PTPN2: variants seen among roughly 807,000 people sequenced by gnomAD.
PTPN2 encodes protein tyrosine phosphatase non-receptor type 2.
In PTPN2, 19 loss-of-function variants were observed where a neutral mutation model predicts 57.3. The ratio of observed to expected loss-of-function variants is 0.33; its 90% confidence interval spans 0.23 to 0.49. PTPN2 has a LOEUF of 0.49. Ranked by LOEUF, PTPN2 falls within the 20% of genes least tolerant of loss-of-function variation. The pLI is 0.99. For synonymous variants in PTPN2, 153 were observed against 164.9 expected (o/e 0.93, Z 0.55); for missense variants, 358 against 501.1 (o/e 0.71, Z 2.73).
chr18:12,874,410 G>A (rs910899379), intron 1 of PTPN2, among the ~76,000 whole-genome samples: 14 of 149,290 alleles, frequency 9.4e-5, no homozygotes, highest in African/African-American at 3.2e-4. Context: ...AGGGAGGTGG[G>A]GGGATCAGCC....
At chr18:12,823,117 A>G (rs1264434734) in intron 5 of PTPN2, among the ~76,000 whole-genome samples, 1 of 152,190 alleles carries the variant, frequency 6.6e-6, no homozygotes, top group South Asian at 2.1e-4. Context: ...TTATCCTTCT[A>G]AAGAATAAAG....
At chr18:12,856,511 G>A (rs762883925) in intron 2 of PTPN2, among the ~76,000 whole-genome samples, 1 of 152,142 alleles carries the variant, frequency 6.6e-6, no homozygotes, top group Non-Finnish European at 1.5e-5. Context: ...GTCCGCAGGA[G>A]GGAAGCTTGG....
chr18:12,836,920 T>G, intron 2 of PTPN2, 29 bp from the exon 3 acceptor site: 1 of 1,349,790 alleles, frequency 7.4e-7, no homozygotes, highest in Non-Finnish European at 1.1e-6. Flanking sequence ...AAACCACAAC[T>G]GTCATTTCAA....
At chr18:12,859,970 T>C (rs1237602903) in intron 1 of PTPN2, among the ~76,000 whole-genome samples, 1 of 150,538 alleles carries the variant, frequency 6.6e-6, no homozygotes, top group African/African-American at 2.4e-5. Context: ...CTGGCCAACA[T>C]TGTGAAAACC....
Position 12,794,605 on chromosome 18 carries a change from T to C in PTPN2, c.1041-120A>G. On this transcript the variant is annotated intron_variant, in intron 8 of 8. Transcript: ENST00000309660. Reference sequence around the variant, plus strand: ...CATAGTTTTCACCCTATTTGAACACTGGAATAATGAGGGGAAAAGCCTCAA... The same window carrying C: ...CATAGTTTTCACCCTATTTGAACACCGGAATAATGAGGGGAAAAGCCTCAA... 3 of 1,224,206 alleles carry C rather than the reference T, an allele frequency of 2.5e-6. 1 individual carries two copies. Among genetic ancestry groups the C allele is most frequent in the Non-Finnish European group, 3.3e-6 (3 of 899,364 alleles). 75.8% of individuals were successfully genotyped at this position (1,224,206 alleles called of 1,614,324 possible). A position where few individuals can be genotyped will look rare whatever the true frequency, so the allele number is the denominator to read the frequency against.
intron 1 of PTPN2, among the ~76,000 whole-genome samples, chr18:12,859,774 G>C (rs2043726941): frequency 1.3e-5 from 2 of 152,068 alleles, no homozygotes; most frequent in South Asian, 2.1e-4. Flanking sequence ...ACTTTATTTT[G>C]AACCCAGAAA....
In PTPN2 at chr18:12,878,199, C is replaced by G. The variant is rs73406787; in HGVS notation, c.69+5874G>C. Among the ~76,000 whole-genome samples the G allele has an allele frequency of 5.1e-3, 774 of 151,842 alleles. 6 individuals carry two copies. The highest frequency in any genetic ancestry group is 0.017 in the African/African-American group (703 of 41,396). On this transcript the variant is annotated intron_variant, in intron 1 of 8. Coordinates refer to ENST00000309660, the MANE Select transcript of PTPN2 (RefSeq NM_002828.4). ...AAAAAATACAAAAAAATTAGCCAGG[C>G]CCAGCTACGTGGGGGACTGAGGCAG... is the stretch of plus-strand genomic sequence containing the variant.
At chr18:12,819,420 ATGACATTC>A in intron 5 of PTPN2, 1 of 400,690 alleles carries the variant, frequency 2.5e-6, no homozygotes, top group Non-Finnish European at 4.4e-6. Context: ...TTCCATTTTT[ATGACATTC>A]TGGAAAAGGC....
chr18:12,790,521 T>A (rs1470766827), downstream of PTPN2, among the ~76,000 whole-genome samples: 1 of 152,176 alleles, frequency 6.6e-6, no homozygotes, highest in African/African-American at 2.4e-5. Flanking sequence ...CATAAAAGGA[T>A]GGAGAAATGC....
chr18:12,853,405 T>C (rs1030850010), intron 2 of PTPN2, among the ~76,000 whole-genome samples: 8 of 152,146 alleles, frequency 5.3e-5, no homozygotes, highest in African/African-American at 1.9e-4. Context: ...CTTTCCAAAG[T>C]GTTGGGATTA....
At position 12,794,563 on chromosome 18, in the gene PTPN2, G is replaced by T. The variant is rs1439095707; in HGVS notation, c.1041-78C>A. On this transcript the variant is annotated intron_variant, in intron 8 of 8. Transcript: ENST00000309660. ...GTACTCTAACACAGAGGACCTAGGC[G>T]CAAATAAAACCATCCACATAGTTTT... The T allele has an allele frequency of 2.0e-6, 3 of 1,515,732 alleles. No homozygotes were observed. In the African/African-American group the frequency reaches 4.2e-5, roughly 21 times the overall value. The allele number at this position is 1,515,732 out of a possible 1,614,324, so 93.9% of individuals were successfully genotyped here.
chr18:12,814,359 C>G lies in PTPN2; in HGVS notation c.706-4G>C, dbSNP rs116113320. ...TAATATCATCTCCTTTTTCCATCTG[C>G]AAGAAAGGCAAAAAATGAGACAAGT... On this transcript the variant is annotated splice_region_variant and splice_polypyrimidine_tract_variant and intron_variant, in intron 6 of 8. Coordinates refer to ENST00000309660, the MANE Select transcript of PTPN2 (RefSeq NM_002828.4). 4.6e-4 allele frequency: 725 copies of G among 1,570,538 alleles called. No individual in the cohort carries two copies. The African/African-American group carries it at 8.1e-3, about 17-fold the overall frequency.
intron 1 of PTPN2, among the ~76,000 whole-genome samples, chr18:12,881,663 T>C (rs1333199917): frequency 6.6e-6 from 1 of 152,166 alleles, no homozygotes; most frequent in Non-Finnish European, 1.5e-5. Flanking sequence ...TCACCTCCCT[T>C]GTCCTCTTCC....
At chr18:12,874,896 C>T (rs1456156479) in intron 1 of PTPN2, among the ~76,000 whole-genome samples, 10 of 152,290 alleles carry the variant, frequency 6.6e-5, no homozygotes, top group Admixed American at 5.9e-4. Flanking sequence ...ATTGAGAAAT[C>T]GGATGGTTGC....
chr18:12,841,105 T>C (rs1472857916), intron 2 of PTPN2: 2 of 787,954 alleles, frequency 2.5e-6, no homozygotes, highest in Non-Finnish European at 3.6e-6. Context: ...TGATACTTTA[T>C]TGCATAAAAT....
chr18:12,870,687 T>A (rs1220748090), intron 1 of PTPN2, among the ~76,000 whole-genome samples: 2 of 150,918 alleles, frequency 1.3e-5, no homozygotes, highest in African/African-American at 4.9e-5. Context: ...TTTTTTGTGT[T>A]TTTAGTAGAG....
exon 10 of PTPN2, chr18:12,785,675 T>C: frequency 4.2e-6 from 3 of 718,390 alleles, no homozygotes; most frequent in Non-Finnish European, 7.3e-6. Flanking sequence ...ATCCCCTGGA[T>C]GTAAAGTTTA....
At position 12,792,886 on chromosome 18, in the gene PTPN2, C is replaced by A. The variant is rs572399279; in HGVS notation, c.*1392G>T. 2 of 979,104 alleles carry A rather than the reference C, an allele frequency of 2.0e-6. No individual in the cohort carries two copies. The highest frequency in any genetic ancestry group is 2.4e-6 in the Non-Finnish European group (2 of 824,204). The allele number at this position is 979,104 out of a possible 1,614,324, so 60.7% of individuals were successfully genotyped here. A position where few individuals can be genotyped will look rare whatever the true frequency, so the allele number is the denominator to read the frequency against. On this transcript the variant is annotated 3_prime_UTR_variant, in exon 9 of 9. Coordinates refer to ENST00000309660, the MANE Select transcript of PTPN2 (RefSeq NM_002828.4). ...GATTACAGGCATGAGCCACCGCGCCCGACCAAACTGTTTTTAAATGATAAC... is the reference window on the plus strand; with the variant it reads ...GATTACAGGCATGAGCCACCGCGCCAGACCAAACTGTTTTTAAATGATAAC...
At chr18:12,848,128 CG>C in intron 2 of PTPN2, among the ~76,000 whole-genome samples, 1 of 152,122 alleles carries the variant, frequency 6.6e-6, no homozygotes, top group Non-Finnish European at 1.5e-5. Flanking sequence ...TATACTTATT[CG>C]GATTATTATT....
Sources: gnomAD v4.1 joint callset for allele counts (sites outside exome capture counted in the v4.1 genomes callset) on GRCh38, gnomAD v4.1.1 for gene constraint, MANE v1.5 for transcripts, NCBI Gene and HGNC (gene_info 2026-07-23, HGNC 2026-07-21) for gene names.